DCX: variants seen among roughly 807,000 people sequenced by gnomAD.
The protein encoded by DCX is doublecortin.
Under a neutral mutation model 20.9 loss-of-function variants are expected in DCX, and 4 were observed. The observed-to-expected ratio is 0.19, with a 90% CI of 0.09 to 0.44. DCX has a LOEUF of 0.44. Among genes scored for constraint, DCX ranks in the 20% least tolerant of loss-of-function variants. DCX has a pLI of 0.99. For synonymous variants in DCX, 103 were observed against 111.4 expected, an observed-to-expected ratio of 0.92 and a Z score of 0.47; for missense variants, 133 against 296.9, an observed-to-expected ratio of 0.45 and a Z score of 4.06.
At chrX:111,338,905 C>G (rs1234511620) in intron 3 of DCX, among the ~76,000 whole-genome samples, 1 of 111,704 alleles carries the variant, frequency 9.0e-6, no homozygotes, top group Non-Finnish European at 1.9e-5. Flanking sequence ...ATTGCTCCAC[C>G]AAGGCTGCTC....
intron 2 of DCX, among the ~76,000 whole-genome samples, chrX:111,402,267 G>T (rs1927850061): frequency 8.9e-6 from 1 of 111,854 alleles, no homozygotes; most frequent in African/African-American, 3.3e-5. Flanking sequence ...TAGAGGAAAT[G>T]ACTAATATCG....
chrX:111,322,418 T>C (rs1268422792), intron 5 of DCX, among the ~76,000 whole-genome samples: 1 of 112,274 alleles, frequency 8.9e-6, no homozygotes, highest in East Asian at 2.8e-4. Context: ...AACTCCCTAA[T>C]GCCTTGCAGA....
intron 3 of DCX, among the ~76,000 whole-genome samples, chrX:111,360,295 C>T (rs1269493110): frequency 1.8e-5 from 2 of 111,711 alleles, no homozygotes; most frequent in Non-Finnish European, 3.8e-5. Context: ...TTTGCAACAG[C>T]ATGGATGGAA....
intron 3 of DCX, among the ~76,000 whole-genome samples, chrX:111,391,703 A>G (rs1686556986): frequency 9.0e-6 from 1 of 111,156 alleles, no homozygotes; most frequent in Admixed American, 9.6e-5. Flanking sequence ...CCAAAAATAT[A>G]TCTACCAAGT....
chrX:111,302,046 A>C (rs2095035473), intron 6 of DCX, among the ~76,000 whole-genome samples: 1 of 110,920 alleles, frequency 9.0e-6, no homozygotes, highest in South Asian at 3.9e-4. Context: ...CCATCGCCAC[A>C]GTCAAGATAC....
chrX:111,383,337 AT>A (rs948357536), intron 3 of DCX, among the ~76,000 whole-genome samples: 2 of 111,844 alleles, frequency 1.8e-5, no homozygotes, highest in African/African-American at 3.2e-5. Flanking sequence ...GGACATATTC[AT>A]TTGCCAAAAT....
intron 6 of DCX, among the ~76,000 whole-genome samples, chrX:111,302,021 T>C (rs1159531122): frequency 9.0e-6 from 1 of 110,511 alleles, no homozygotes; most frequent in Non-Finnish European, 1.9e-5. Context: ...TTATCATGTG[T>C]GTATATTTGT....
At position 111,406,320 on chromosome X, in the gene DCX, T is replaced by A. The variant is rs1029419481; in HGVS notation, c.364+3715A>T. Among the ~76,000 whole-genome samples the A allele has an allele frequency of 2.7e-5, 3 of 112,221 alleles. No homozygotes were observed. The Admixed American group carries it at 2.8e-4, about 11-fold the overall frequency. On this transcript the variant is annotated intron_variant, in intron 2 of 6. Transcript: ENST00000636035. ...TGAAAGATTTTGAAAGGCAGCCGGG[T>A]TTGGAAACCACTGACCATTACAATC...
At chrX:111,384,635 A>G (rs1431831346) in intron 3 of DCX, among the ~76,000 whole-genome samples, 2 of 111,972 alleles carry the variant, frequency 1.8e-5, no homozygotes, top group Non-Finnish European at 3.8e-5. Flanking sequence ...GGACCATCAC[A>G]GTCAGCTATT....
At chrX:111,305,240 TA>T (rs752818343) in intron 6 of DCX, among the ~76,000 whole-genome samples, 3 of 111,243 alleles carry the variant, frequency 2.7e-5, no homozygotes, top group East Asian at 5.6e-4. Context: ...TCCACATAAT[TA>T]AAAAAAATAG....
chrX:111,378,489 CTT>C (rs1040344334), intron 3 of DCX, among the ~76,000 whole-genome samples: 2 of 111,792 alleles, frequency 1.8e-5, no homozygotes, highest in East Asian at 2.8e-4. Flanking sequence ...TATGGTATCT[CTT>C]TGACATAAAG....
rs192726141 is a variant in DCX at position 111,306,074 on chromosome X, C to T, written c.1045-4331G>A. On this transcript the variant is annotated intron_variant, in intron 6 of 6. Transcript: ENST00000636035. ...ATCGCAAAATGGTAGATGTAATTCT[C>T]GCTTTACCAGTAATTACATTAAACA... Among the ~76,000 whole-genome samples the T allele has an allele frequency of 4.0e-3, 441 of 111,282 alleles. 1 individual carries two copies. Among genetic ancestry groups the T allele is most frequent in the Non-Finnish European group, 3.3e-3 (176 of 52,941 alleles).
At chrX:111,383,326 A>T (rs916829634) in intron 3 of DCX, among the ~76,000 whole-genome samples, 1 of 111,972 alleles carries the variant, frequency 8.9e-6, no homozygotes. Context: ...ATAAATTTTC[A>T]GGACATATTC....
intron 2 of DCX, among the ~76,000 whole-genome samples, 195 bp downstream of exon 2, chrX:111,409,840 C>T (rs1247960780): frequency 1.8e-5 from 2 of 112,229 alleles, no homozygotes; most frequent in African/African-American, 6.5e-5. Context: ...ACCATTCACA[C>T]TTCAACCTCA....
chrX:111,353,028 C>T (rs1923448508), intron 3 of DCX, among the ~76,000 whole-genome samples: 1 of 111,860 alleles, frequency 8.9e-6, no homozygotes, highest in African/African-American at 3.3e-5. Context: ...AATTGAAACC[C>T]CAAAGTTGAG....
At chrX:111,371,928 ATG>A (rs1447109442) in intron 3 of DCX, among the ~76,000 whole-genome samples, 2 of 57,489 alleles carry the variant, frequency 3.5e-5, no homozygotes, top group Admixed American at 2.7e-4. Flanking sequence ...ATATAGATAT[ATG>A]TGTACACACA....
chrX:111,338,622 T>C (rs1921945816), intron 3 of DCX, among the ~76,000 whole-genome samples: 1 of 107,665 alleles, frequency 9.3e-6, no homozygotes, highest in African/African-American at 3.4e-5. Flanking sequence ...TCTGGGGTTA[T>C]CTTGAAGCCT....
At chrX:111,334,101 C>T (rs1375264420) in intron 3 of DCX, among the ~76,000 whole-genome samples, 1 of 112,537 alleles carries the variant, frequency 8.9e-6, no homozygotes, top group Non-Finnish European at 1.9e-5. Flanking sequence ...TTTCCAAAGG[C>T]ATGGTGCTCA....
At chrX:111,331,961 C>T (rs1415086234) in intron 4 of DCX, among the ~76,000 whole-genome samples, 1 of 112,737 alleles carries the variant, frequency 8.9e-6, no homozygotes, top group South Asian at 3.7e-4. Context: ...TACAGTTTTT[C>T]CAACCTTGTG....
Sources: gnomAD v4.1 joint callset for allele counts (sites outside exome capture counted in the v4.1 genomes callset) on GRCh38, gnomAD v4.1.1 for gene constraint, MANE v1.5 for transcripts, NCBI Gene and HGNC (gene_info 2026-07-23, HGNC 2026-07-21) for gene names.